DPP10: variants seen among roughly 807,000 people sequenced by gnomAD.
DPP10 encodes inactive dipeptidyl peptidase 10.
Under a neutral mutation model 120.9 loss-of-function variants are expected in DPP10, and 33 were observed. The observed-to-expected ratio is 0.27, with a 90% confidence interval of 0.21 to 0.37. The LOEUF is 0.37. Ranked by LOEUF, DPP10 falls within the 10% of genes least tolerant of loss-of-function variation. DPP10 has a pLI of 1.00. For synonymous variants in DPP10, 337 were observed against 326.1 expected, an observed-to-expected ratio of 1.03 and a Z score of -0.36; for missense variants, 816 against 942.8, an observed-to-expected ratio of 0.87 and a Z score of 1.76.
chr2:115,162,768 T>G (rs2052522890), intron 1 of DPP10, among the ~76,000 whole-genome samples: 1 of 152,126 alleles, frequency 6.6e-6, no homozygotes, highest in African/African-American at 2.4e-5. Flanking sequence ...CGCCAACCCC[T>G]TTTTGTTTTG....
chr2:115,183,052 C>T (rs2054185957), intron 1 of DPP10, among the ~76,000 whole-genome samples: 1 of 150,278 alleles, frequency 6.7e-6, no homozygotes, highest in Admixed American at 6.6e-5. Flanking sequence ...CGCACACATG[C>T]ACACAGAGGC....
intron 4 of DPP10, among the ~76,000 whole-genome samples, chr2:115,520,942 A>G (rs76338789): frequency 0.021 from 3,233 of 152,314 alleles, 56 homozygotes; most frequent in Non-Finnish European, 0.034. Context: ...TTGCAGTTCC[A>G]AACAACCTAG....
At chr2:115,264,063 C>A (rs1211595754) in intron 1 of DPP10, among the ~76,000 whole-genome samples, 1 of 152,024 alleles carries the variant, frequency 6.6e-6, no homozygotes, top group East Asian at 1.9e-4. Flanking sequence ...TAGAATTATT[C>A]ACTAAGAAGA....
rs767360957 is a variant in DPP10, at chr2:114,442,732, A to G, written c.-47A>G. ...ATAGAGGAGACTTGATCTCTAGTTC[A>G]TTCTGGAACTCCGCCTGGGATTGTG... On this transcript the variant is annotated 5_prime_UTR_variant, in exon 1 of 26. Coordinates refer to ENST00000410059, the MANE Select transcript of DPP10 (RefSeq NM_020868.6). 1.2e-6 allele frequency: 2 copies of G among 1,610,862 alleles called. No homozygotes were observed. Among genetic ancestry groups the G allele is most frequent in the South Asian group, 2.2e-5 (2 of 90,684 alleles).
intron 11 of DPP10, among the ~76,000 whole-genome samples, chr2:115,753,874 T>G (rs1275596596): frequency 3.3e-5 from 5 of 152,174 alleles, no homozygotes; most frequent in African/African-American, 1.2e-4. Context: ...AACACTGCAG[T>G]AAGTTTAAAC....
intron 1 of DPP10, among the ~76,000 whole-genome samples, chr2:115,194,832 TAGG>T (rs748943051): frequency 2.8e-4 from 42 of 152,154 alleles, no homozygotes; most frequent in South Asian, 2.1e-4. Flanking sequence ...TTGGATACAG[TAGG>T]AGATTACTCT....
chr2:114,466,765 A>AG (rs1183487615), intron 1 of DPP10, among the ~76,000 whole-genome samples: 1 of 152,090 alleles, frequency 6.6e-6, no homozygotes. Flanking sequence ...AACCCTTGGC[A>AG]GGGCGCGATG....
intron 1 of DPP10, among the ~76,000 whole-genome samples, chr2:114,749,554 T>G (rs1390484080): frequency 7.6e-6 from 1 of 130,862 alleles, no homozygotes; most frequent in Admixed American, 7.6e-5. Flanking sequence ...ACTGCTTTTA[T>G]TTTATTTTAT....
At chr2:114,917,102 A>G (rs1305151158) in intron 1 of DPP10, among the ~76,000 whole-genome samples, 1 of 152,236 alleles carries the variant, frequency 6.6e-6, no homozygotes, top group East Asian at 1.9e-4. Context: ...CCTAGAACTG[A>G]TAAACAACTT....
chr2:115,769,764 A>C (rs1681234459), intron 13 of DPP10, among the ~76,000 whole-genome samples: 1 of 152,004 alleles, frequency 6.6e-6, no homozygotes, highest in African/African-American at 2.4e-5. Flanking sequence ...TTTTTTTATG[A>C]AACTGAAAGG....
chr2:114,987,498 T>C (rs1700475941), intron 1 of DPP10, among the ~76,000 whole-genome samples: 1 of 152,182 alleles, frequency 6.6e-6, no homozygotes, highest in Non-Finnish European at 1.5e-5. Flanking sequence ...TCATCTCCTT[T>C]CTTCTCTTTC....
At chr2:115,138,925 A>G (rs2050781183) in intron 1 of DPP10, among the ~76,000 whole-genome samples, 1 of 152,046 alleles carries the variant, frequency 6.6e-6, no homozygotes, top group African/African-American at 2.4e-5. Context: ...ACACCTGGGC[A>G]AAATGTCTTT....
chr2:115,438,801 T>C (rs1196358008), intron 3 of DPP10, among the ~76,000 whole-genome samples: 1 of 146,728 alleles, frequency 6.8e-6, no homozygotes, highest in Non-Finnish European at 1.5e-5. Context: ...GTGGCTAAGA[T>C]GGTCATGGAA....
intron 1 of DPP10, among the ~76,000 whole-genome samples, chr2:115,035,312 C>A (rs1704153576): frequency 6.6e-6 from 1 of 152,218 alleles, no homozygotes; most frequent in South Asian, 2.1e-4. Context: ...GGTACTGTCT[C>A]CTCAGGGTTT....
intron 7 of DPP10, among the ~76,000 whole-genome samples, chr2:115,692,765 T>C (rs1266906349): frequency 3.9e-5 from 6 of 152,148 alleles, no homozygotes. Flanking sequence ...ATTGTGATAA[T>C]TATTTTGGAA....
rs1703341753 is a variant in DPP10 at position 115,024,782 on chromosome 2, T to C, written c.61-284457T>C. On this transcript the variant is annotated intron_variant, in intron 1 of 25. Transcript: ENST00000410059. ...TAAATATGTATTTGTTATATATATATTTAAGGTTGTGTGTGTATACATATA... is the reference window on the plus strand; with the variant it reads ...TAAATATGTATTTGTTATATATATACTTAAGGTTGTGTGTGTATACATATA... 2.0e-5 allele frequency among the ~76,000 whole-genome samples: 3 copies of C among 148,140 alleles called. No individual in the cohort carries two copies. In the South Asian group the frequency reaches 6.3e-4, roughly 31 times the overall value.
chr2:115,612,190 T>A (rs184477511), intron 5 of DPP10, among the ~76,000 whole-genome samples: 80 of 152,294 alleles, frequency 5.3e-4, no homozygotes, highest in Admixed American at 1.3e-3. Context: ...TGTACTTGAC[T>A]TGATCTATTC....
At chr2:114,799,270 C>G (rs1173739957) in intron 1 of DPP10, among the ~76,000 whole-genome samples, 1 of 152,218 alleles carries the variant, frequency 6.6e-6, no homozygotes, top group African/African-American at 2.4e-5. Flanking sequence ...TGCATCAAAA[C>G]TAACCCCAAC....
At chr2:114,507,963 G>A (rs1683816579) in intron 1 of DPP10, among the ~76,000 whole-genome samples, 1 of 152,120 alleles carries the variant, frequency 6.6e-6, no homozygotes, top group Non-Finnish European at 1.5e-5. Context: ...ATGGCAAGTA[G>A]AATTTGGAAA....
Sources: allele counts gnomAD v4.1 joint callset (sites outside exome capture counted in the v4.1 genomes callset), GRCh38; gene constraint gnomAD v4.1.1; transcripts MANE v1.5; gene names NCBI Gene and HGNC (gene_info 2026-07-23, HGNC 2026-07-21).